The following EYA3 variants were observed in gnomAD, a reference collection of about 807,000 sequenced individuals.
The protein encoded by EYA3 is protein phosphatase EYA3.
Under a neutral mutation model 80.0 loss-of-function variants are expected in EYA3, and 39 were observed. The observed-to-expected ratio is 0.49, with a 90% CI of 0.38 to 0.64. The LOEUF (loss-of-function observed/expected upper bound fraction) is 0.64. EYA3 is among the 30% of genes least tolerant of loss of function. The probability of loss-of-function intolerance (pLI) is 0.00; values close to 1 mark genes in which losing one functional copy is unlikely to be tolerated. For synonymous variants in EYA3, 206 were observed against 232.8 expected, an observed-to-expected ratio of 0.88 and a Z score of 1.05; for missense variants, 523 against 676.1, an observed-to-expected ratio of 0.77 and a Z score of 2.51.
intron 1 of EYA3, among the ~76,000 whole-genome samples, chr1:28,073,120 TATATA>T (rs1338672907): frequency 5.6e-5 from 3 of 54,054 alleles, no homozygotes; most frequent in Non-Finnish European, 1.1e-4. Flanking sequence ...TATATATATA[TATATA>T]TATTTTTTTT....
At chr1:28,041,846 G>A (rs1304005260) in intron 4 of EYA3, among the ~76,000 whole-genome samples, 1 of 152,034 alleles carries the variant, frequency 6.6e-6, no homozygotes. Flanking sequence ...GAAATTATTT[G>A]GAAGGAGCAA....
Position 28,002,905 on chromosome 1 carries a change from G to C in EYA3, c.993+1431C>G, listed in dbSNP as rs529518308. 3.4e-4 allele frequency among the ~76,000 whole-genome samples: 52 copies of C among 151,964 alleles called. 1 individual carries two copies. The highest frequency in any genetic ancestry group is 1.1e-3 in the African/African-American group (47 of 41,480). On this transcript the variant is annotated intron_variant, in intron 11 of 17. Coordinates refer to ENST00000373871, the MANE Select transcript of EYA3 (RefSeq NM_001990.4). ...GAAGACCGAGGCAGGCGGATCACTT[G>C]AGGCTGGAGTTCGAGTCCAGCCTTG...
chr1:28,069,823 G>A (rs1313200634), intron 1 of EYA3, among the ~76,000 whole-genome samples: 5 of 152,204 alleles, frequency 3.3e-5, no homozygotes, highest in Admixed American at 2.0e-4. Flanking sequence ...ATTTTGAGAT[G>A]AGATTATACA....
At chr1:27,999,247 G>C (rs1640665357) in intron 12 of EYA3, among the ~76,000 whole-genome samples, 1 of 152,168 alleles carries the variant, frequency 6.6e-6, no homozygotes, top group Admixed American at 6.5e-5. Flanking sequence ...AGTTTCCTGT[G>C]TAGGATGACT....
At chr1:28,033,772 A>G (rs1237739472) in intron 6 of EYA3, among the ~76,000 whole-genome samples, 1 of 151,588 alleles carries the variant, frequency 6.6e-6, no homozygotes, top group African/African-American at 2.4e-5. Context: ...CTCATGCCTC[A>G]GCCTCCTGAG....
rs759443994 is a variant in EYA3 at position 27,977,260 on chromosome 1, T to C, written c.1641+1114A>G. The C allele has an allele frequency of 3.9e-6, 6 of 1,540,462 alleles. No individual in the cohort carries two copies. The South Asian group carries it at 6.1e-5, about 16-fold the overall frequency. ...AGTGACAAATGAAAACATGAGATAA[T>C]AATGCCAACTGATTACCAATCTCAT... On this transcript the variant is annotated intron_variant, in intron 17 of 17. Coordinates refer to ENST00000373871, the MANE Select transcript of EYA3 (RefSeq NM_001990.4).
chr1:28,058,229 G>C lies in EYA3; in HGVS notation c.-68-135C>G, dbSNP rs1571916424. On this transcript the variant is annotated intron_variant, in intron 1 of 17. Coordinates refer to ENST00000373871, the MANE Select transcript of EYA3 (RefSeq NM_001990.4). The stretch of plus-strand genomic sequence containing the variant: ...GTTCCAATCACAAAATCTCAAACCT[G>C]CACGTGGCTTTTCAAAAATGACATG... The C allele has an allele frequency of 1.2e-5, 5 of 415,824 alleles. No homozygotes were observed. The East Asian group carries it at 1.4e-4, about 11-fold the overall frequency. 25.8% of individuals were successfully genotyped at this position (415,824 alleles called of 1,614,324 possible).
chr1:28,073,127 A>ATATATATATATATAT (rs1553157671), intron 1 of EYA3, among the ~76,000 whole-genome samples: 8 of 14,986 alleles, frequency 5.3e-4, no homozygotes, highest in Non-Finnish European at 7.9e-4. Context: ...ATATATATAT[A>ATATATATATATATAT]TTTTTTTTTT....
intron 14 of EYA3, among the ~76,000 whole-genome samples, chr1:27,992,265 C>A (rs1354443228): frequency 1.3e-5 from 2 of 151,716 alleles, no homozygotes; most frequent in Admixed American, 1.3e-4. Context: ...TTTCCATGGA[C>A]CTGGGTGGGG....
intron 7 of EYA3, among the ~76,000 whole-genome samples, chr1:28,019,705 CT>C (rs1383375119): frequency 1.3e-5 from 2 of 151,686 alleles, no homozygotes; most frequent in Admixed American, 6.6e-5. Context: ...TCTCCATATC[CT>C]TTTTTTCTTT....
At chr1:28,036,698 G>T (rs1317491859) in intron 5 of EYA3, among the ~76,000 whole-genome samples, 1 of 152,210 alleles carries the variant, frequency 6.6e-6, no homozygotes, top group Non-Finnish European at 1.5e-5. Flanking sequence ...CTAGCTAGCA[G>T]ATATAATTGT....
chr1:28,051,735 G>T (rs755350292), intron 2 of EYA3, among the ~76,000 whole-genome samples: 3 of 151,918 alleles, frequency 2.0e-5, no homozygotes, highest in Non-Finnish European at 4.4e-5. Flanking sequence ...AACAGAAGAA[G>T]AAGTACAATA....
intron 6 of EYA3, 152 bp downstream of exon 6, chr1:28,035,392 T>C: frequency 1.4e-6 from 1 of 738,306 alleles, no homozygotes; most frequent in Non-Finnish European, 2.2e-6. Context: ...ACTATGATTT[T>C]TTTATTACAT....
In EYA3 at chr1:28,030,926, T is replaced by C. The variant is rs192886286; in HGVS notation, c.362-3000A>G. 3.0e-3 allele frequency among the ~76,000 whole-genome samples: 461 copies of C among 152,354 alleles called. 2 individuals carry two copies. The highest frequency in any genetic ancestry group is 0.01 in the African/African-American group (426 of 41,596). ...TGCTATTTCAATGTCACAATAACTTTCAGATTTATTGTCATCACTGTGATT... is the reference window on the plus strand; with the variant it reads ...TGCTATTTCAATGTCACAATAACTTCCAGATTTATTGTCATCACTGTGATT... On this transcript the variant is annotated intron_variant, in intron 6 of 17. Transcript: ENST00000373871.
chr1:28,077,506 G>A (rs553879270), intron 1 of EYA3, among the ~76,000 whole-genome samples: 1 of 152,152 alleles, frequency 6.6e-6, no homozygotes, highest in Non-Finnish European at 1.5e-5. Flanking sequence ...AATTAGCTAT[G>A]TCAAAGTGAG....
chr1:28,030,433 C>A (rs1643072283), intron 6 of EYA3, among the ~76,000 whole-genome samples: 1 of 152,070 alleles, frequency 6.6e-6, no homozygotes, highest in Non-Finnish European at 1.5e-5. Context: ...GCTGGGACCA[C>A]AGGCACACTA....
rs541818890 is a variant in EYA3, at chr1:28,056,809, AACACTT to A, written c.33+1179_33+1184del. 3.6e-4 allele frequency among the ~76,000 whole-genome samples: 55 copies of A among 152,336 alleles called. No individual in the cohort carries two copies. In the East Asian group the frequency reaches 0.011, roughly 29 times the overall value. ...AATACCCATATTTCAACAGTATGTC[AACACTT>A]ACATAAGTCTTTTAAAAATATGACT... On this transcript the variant is annotated intron_variant, in intron 2 of 17. Transcript: ENST00000373871.
Position 27,993,486 on chromosome 1 carries a change from T to G in EYA3, c.1217A>C (p.Gln406Pro), listed in dbSNP as rs772596228. ...TTTCCTCATCCAGTCCACACCTCCCTGAACACCCACAGATGAACCATGGCT... is the reference window on the plus strand; with the variant it reads ...TTTCCTCATCCAGTCCACACCTCCCGGAACACCCACAGATGAACCATGGCT... The part of the protein sequence containing the change: ...SGSHGSSVGV[Q>P]GGVDWMRKLA... The change falls in exon 14 of 18, where the codon CAG becomes CCG. Residue 406 changes from glutamine (Q) to proline (P), a missense_variant. Gln to Pro is a moderately conservative substitution (Grantham distance 76). Transcript: ENST00000373871. 9.3e-6 allele frequency: 15 copies of G among 1,613,500 alleles called. No individual in the cohort carries two copies. Among genetic ancestry groups the G allele is most frequent in the Non-Finnish European group, 1.2e-5 (14 of 1,179,792 alleles).
At chr1:27,976,042 T>C (rs1638915228) in intron 17 of EYA3, among the ~76,000 whole-genome samples, 1 of 152,178 alleles carries the variant, frequency 6.6e-6, no homozygotes, top group South Asian at 2.1e-4. Context: ...CTCAGAATAT[T>C]GAGGTCCTAG....
Sources: gnomAD v4.1 joint callset for allele counts (sites outside exome capture counted in the v4.1 genomes callset) on GRCh38, gnomAD v4.1.1 for gene constraint, MANE v1.5 for transcripts, NCBI Gene and HGNC (gene_info 2026-07-23, HGNC 2026-07-21) for gene names.